Variants in NKAIN2 observed in about 807,000 individuals in gnomAD.
NKAIN2 encodes sodium/potassium-transporting ATPase subunit beta-1-interacting protein 2.
In NKAIN2, 14 loss-of-function variants were observed where a neutral mutation model predicts 32.6. The observed-to-expected ratio is 0.43, with a 90% confidence interval of 0.28 to 0.67. The LOEUF is 0.67. Ranked by LOEUF, NKAIN2 falls within the 30% of genes least tolerant of loss-of-function variation. The pLI, the probability that NKAIN2 is intolerant of heterozygous loss-of-function variation, is 0.17. For synonymous variants in NKAIN2, 80 were observed against 87.2 expected (o/e 0.92, Z 0.46); for missense variants, 198 against 258.3 (o/e 0.77, Z 1.60).
chr6:123,990,991 A>G (rs1437270881), intron 1 of NKAIN2, among the ~76,000 whole-genome samples: 1 of 152,212 alleles, frequency 6.6e-6, no homozygotes, highest in Non-Finnish European at 1.5e-5. Context: ...TATTATATGT[A>G]AATACCTTAT....
chr6:124,474,846 T>A (rs1279418844), intron 3 of NKAIN2, among the ~76,000 whole-genome samples: 1 of 100,074 alleles, frequency 1.0e-5, no homozygotes, highest in Non-Finnish European at 2.1e-5. Flanking sequence ...ACATATATAA[T>A]ATATACATAT....
chr6:124,042,344 C>T (rs1781908100), intron 1 of NKAIN2, among the ~76,000 whole-genome samples: 1 of 151,984 alleles, frequency 6.6e-6, no homozygotes. Flanking sequence ...TACTTATACC[C>T]CTCCAGACTG....
intron 2 of NKAIN2, among the ~76,000 whole-genome samples, chr6:124,340,910 A>T (rs571671947): frequency 8.5e-5 from 13 of 152,286 alleles, no homozygotes; most frequent in Admixed American, 1.3e-4. Flanking sequence ...AGGTGTTTTC[A>T]TGCTGAATGA....
chr6:123,929,041 C>G (rs532082280), intron 1 of NKAIN2, among the ~76,000 whole-genome samples: 1 of 152,060 alleles, frequency 6.6e-6, no homozygotes, highest in Non-Finnish European at 1.5e-5. Flanking sequence ...TATGTTCCAT[C>G]CTATGTTAGA....
intron 4 of NKAIN2, among the ~76,000 whole-genome samples, chr6:124,693,703 TCAAA>T (rs1774363327): frequency 6.6e-6 from 1 of 152,150 alleles, no homozygotes; most frequent in Non-Finnish European, 1.5e-5. Flanking sequence ...GGCATTTCAA[TCAAA>T]CACAGTTTGG....
chr6:123,971,138 G>A (rs1778322306), intron 1 of NKAIN2, among the ~76,000 whole-genome samples: 1 of 151,892 alleles, frequency 6.6e-6, no homozygotes, highest in African/African-American at 2.4e-5. Flanking sequence ...GAGATAGTAA[G>A]TACATACTTA....
intron 5 of NKAIN2, chr6:124,794,829 G>A (rs2114815884): frequency 1.1e-6 from 1 of 940,806 alleles, no homozygotes. Context: ...TCACTTTCCT[G>A]ATGTTTATCC....
chr6:124,285,916 A>G (rs762252958), intron 2 of NKAIN2, among the ~76,000 whole-genome samples: 2 of 152,134 alleles, frequency 1.3e-5, no homozygotes, highest in Non-Finnish European at 2.9e-5. Flanking sequence ...AGGAAAATAT[A>G]TTTATTATTG....
At chr6:124,452,538 C>T (rs1451028391) in intron 3 of NKAIN2, among the ~76,000 whole-genome samples, 1 of 151,820 alleles carries the variant, frequency 6.6e-6, no homozygotes, top group East Asian at 1.9e-4. Context: ...AATATGTAAC[C>T]TTTTTACTGA....
intron 1 of NKAIN2, among the ~76,000 whole-genome samples, chr6:124,006,023 T>TA (rs1196776523): frequency 2.0e-5 from 3 of 152,176 alleles, no homozygotes; most frequent in Admixed American, 6.6e-5. Flanking sequence ...ACAAAAAAGT[T>TA]AATCTGTACA....
chr6:124,636,440 TAAATACA>T (rs1004630688), intron 3 of NKAIN2, among the ~76,000 whole-genome samples: 1 of 151,496 alleles, frequency 6.6e-6, no homozygotes, highest in African/African-American at 2.4e-5. Flanking sequence ...CTAAATGAAA[TAAATACA>T]AAATACAAAA....
At chr6:124,673,715 C>T (rs947115828) in intron 4 of NKAIN2, among the ~76,000 whole-genome samples, 41 of 151,558 alleles carry the variant, frequency 2.7e-4, no homozygotes, top group South Asian at 2.1e-4. Context: ...AAGTTCTTTG[C>T]CCATTTTTTA....
At chr6:124,394,507 AT>A (rs374771535) in intron 3 of NKAIN2, among the ~76,000 whole-genome samples, 2 of 120,822 alleles carry the variant, frequency 1.7e-5, no homozygotes, top group Non-Finnish European at 3.8e-5. Flanking sequence ...AGATAGATAG[AT>A]TAGATAGATA....
At chr6:124,442,434 T>A (rs1775729308) in intron 3 of NKAIN2, among the ~76,000 whole-genome samples, 2 of 152,088 alleles carry the variant, frequency 1.3e-5, no homozygotes, top group Admixed American at 1.3e-4. Flanking sequence ...GTTTTCTTCT[T>A]CTGCCAGCTA....
rs1057042975 is a variant in NKAIN2, at chr6:124,390,080, G to T, written c.273+34733G>T. On this transcript the variant is annotated intron_variant, in intron 3 of 6. Transcript: ENST00000368417. The stretch of plus-strand genomic sequence containing the variant: ...AATAGGTATTCCAAAGCTCTGAAAA[G>T]GTACAGTGTTCTTTCGTCTTTGCTG... Among the ~76,000 whole-genome samples, 4 of 152,174 alleles carry T rather than the reference G, an allele frequency of 2.6e-5. No individual in the cohort carries two copies. The East Asian group carries it at 5.8e-4, about 22-fold the overall frequency.
chr6:124,291,134 A>T (rs1222309192), intron 2 of NKAIN2, among the ~76,000 whole-genome samples: 1 of 152,110 alleles, frequency 6.6e-6, no homozygotes, highest in Non-Finnish European at 1.5e-5. Context: ...ACACTTGAGT[A>T]CTAGTTTGGC....
At chr6:124,268,444 C>T (rs1794601433) in intron 1 of NKAIN2, among the ~76,000 whole-genome samples, 1 of 152,034 alleles carries the variant, frequency 6.6e-6, no homozygotes, top group African/African-American at 2.4e-5. Flanking sequence ...AACTTTTTGC[C>T]ATTGCCAATA....
At chr6:124,609,653 C>A (rs567462315) in intron 3 of NKAIN2, among the ~76,000 whole-genome samples, 12 of 152,188 alleles carry the variant, frequency 7.9e-5, no homozygotes, top group South Asian at 2.1e-4. Context: ...AGCTTGCCCC[C>A]CTCCGGAAGC....
intron 3 of NKAIN2, among the ~76,000 whole-genome samples, chr6:124,570,578 C>A (rs140369724): frequency 6.6e-6 from 1 of 152,184 alleles, no homozygotes; most frequent in African/African-American, 2.4e-5. Flanking sequence ...GCAGCTTCTA[C>A]GTGGTGTTGA....
Sources: gnomAD v4.1 joint callset for allele counts (sites outside exome capture counted in the v4.1 genomes callset) on GRCh38, gnomAD v4.1.1 for gene constraint, MANE v1.5 for transcripts, NCBI Gene and HGNC (gene_info 2026-07-23, HGNC 2026-07-21) for gene names.